MAP6: variants seen among roughly 807,000 people sequenced by gnomAD.
MAP6 encodes the protein microtubule-associated protein 6.
In MAP6, 26 loss-of-function variants were observed where a neutral mutation model predicts 42.4. The ratio of observed to expected loss-of-function variants is 0.61; its 90% CI spans 0.45 to 0.85. The LOEUF (loss-of-function observed/expected upper bound fraction) is 0.85. MAP6 is among the 40% of genes least tolerant of loss of function. The pLI is 0.00. For missense variants in MAP6, 966 were observed against 1,099.0 expected, an observed-to-expected ratio of 0.88 and a Z score of 1.71; for synonymous variants, 418 against 443.8, an observed-to-expected ratio of 0.94 and a Z score of 0.73.
rs150882090 is a variant in MAP6, at chr11:75,603,211, C to T, written c.1316+2597G>A. 1.4e-3 allele frequency: 1,396 copies of T among 985,430 alleles called. 21 individuals are homozygous for T. In the African/African-American group the frequency reaches 0.023, roughly 16 times the overall value. The allele number at this position is 985,430 out of a possible 1,614,324, so 61.0% of individuals were successfully genotyped here. ...GCTGCTTTTGCAGGCAGGGAAACAGCGGGAAAGCTTCAGTCCCAGCTCCCT... is the reference window on the plus strand; with the variant it reads ...GCTGCTTTTGCAGGCAGGGAAACAGTGGGAAAGCTTCAGTCCCAGCTCCCT... On this transcript the variant is annotated intron_variant, in intron 3 of 3. Transcript: ENST00000304771.
At chr11:75,634,800 A>C (rs1481656687) in intron 1 of MAP6, among the ~76,000 whole-genome samples, 1 of 152,074 alleles carries the variant, frequency 6.6e-6, no homozygotes, top group Non-Finnish European at 1.5e-5. Flanking sequence ...AGGAAAATTT[A>C]TTTTTCTATT....
intron 1 of MAP6, among the ~76,000 whole-genome samples, chr11:75,666,435 T>C (rs1359250856): frequency 1.3e-5 from 2 of 152,148 alleles, no homozygotes; most frequent in African/African-American, 4.8e-5. Flanking sequence ...TTGCAAGGAA[T>C]TGAGTGTGCT....
chr11:75,633,385 A>G (rs1425842004), intron 1 of MAP6, among the ~76,000 whole-genome samples: 1 of 152,236 alleles, frequency 6.6e-6, no homozygotes, highest in Non-Finnish European at 1.5e-5. Flanking sequence ...TCATGAGGAC[A>G]TGCTAGTGAG....
At chr11:75,648,732 G>A (rs1241089867) in intron 1 of MAP6, among the ~76,000 whole-genome samples, 2 of 152,130 alleles carry the variant, frequency 1.3e-5, no homozygotes, top group Non-Finnish European at 2.9e-5. Context: ...ATCAATGCAG[G>A]CAAGTAAGAA....
At chr11:75,664,029 G>A (rs1943901800) in intron 1 of MAP6, among the ~76,000 whole-genome samples, 1 of 152,170 alleles carries the variant, frequency 6.6e-6, no homozygotes, top group Non-Finnish European at 1.5e-5. Context: ...GATGGCCAGG[G>A]CAATGGGGTT....
At chr11:75,632,369 A>C (rs994480646) in intron 1 of MAP6, among the ~76,000 whole-genome samples, 12 of 152,140 alleles carry the variant, frequency 7.9e-5, no homozygotes, top group Admixed American at 3.9e-4. Context: ...CAGCCATCAG[A>C]GTTTATAATC....
chr11:75,636,281 C>T (rs1943367560), intron 1 of MAP6: 1 of 152,234 alleles, frequency 6.6e-6, no homozygotes, highest in Non-Finnish European at 1.5e-5. Context: ...GAGCTGGGCT[C>T]CTTCCCCTCA....
Position 75,644,993 on chromosome 11 carries a change from A to G in MAP6, c.905+22472T>C, listed in dbSNP as rs187122713. 1.4e-4 allele frequency among the ~76,000 whole-genome samples: 22 copies of G among 152,322 alleles called. No homozygotes were observed. The East Asian group carries it at 4.0e-3, about 28-fold the overall frequency. On this transcript the variant is annotated intron_variant, in intron 1 of 3. Coordinates refer to ENST00000304771, the MANE Select transcript of MAP6 (RefSeq NM_033063.2). The stretch of plus-strand genomic sequence containing the variant: ...ATACCTCTGGAACTGGTCGAATGAG[A>G]CACCTAAAAATTGTACGCCACAGAC...
At chr11:75,619,663 C>T (rs1565264498) in intron 1 of MAP6, among the ~76,000 whole-genome samples, 1 of 152,202 alleles carries the variant, frequency 6.6e-6, no homozygotes, top group South Asian at 2.1e-4. Flanking sequence ...CAGCTCCATC[C>T]ATGTCCCTGC....
chr11:75,651,405 G>A (rs999921415), intron 1 of MAP6, among the ~76,000 whole-genome samples: 1 of 152,134 alleles, frequency 6.6e-6, no homozygotes, highest in African/African-American at 2.4e-5. Context: ...CCAGGGCTTC[G>A]GTGAGGCGTC....
chr11:75,597,920 TA>T (rs1346114724), intron 3 of MAP6, among the ~76,000 whole-genome samples: 2 of 152,324 alleles, frequency 1.3e-5, no homozygotes, highest in Non-Finnish European at 2.9e-5. Context: ...CCAGGGGCAG[TA>T]ATTAACTGGG....
intron 3 of MAP6, among the ~76,000 whole-genome samples, chr11:75,591,477 G>A (rs1301218255): frequency 6.6e-6 from 1 of 152,170 alleles, no homozygotes; most frequent in Non-Finnish European, 1.5e-5. Context: ...TCTGTAAAGT[G>A]CCCCACCTCC....
At chr11:75,610,432 G>A (rs532988749) in intron 1 of MAP6, among the ~76,000 whole-genome samples, 1 of 152,228 alleles carries the variant, frequency 6.6e-6, no homozygotes, top group Non-Finnish European at 1.5e-5. Flanking sequence ...ACAGGATGCT[G>A]GGTGCTATGG....
At chr11:75,650,906 C>A (rs532319084) in intron 1 of MAP6, among the ~76,000 whole-genome samples, 3 of 152,278 alleles carry the variant, frequency 2.0e-5, no homozygotes, top group African/African-American at 4.8e-5. Context: ...CAGAACACTT[C>A]TCCCTTCCAT....
intron 3 of MAP6, among the ~76,000 whole-genome samples, chr11:75,595,397 C>A (rs970292824): frequency 1.3e-5 from 2 of 152,230 alleles, no homozygotes; most frequent in African/African-American, 2.4e-5. Context: ...ACAAGCCCCA[C>A]AACAGTTCAG....
chr11:75,647,322 C>T (rs528155170), intron 1 of MAP6, among the ~76,000 whole-genome samples: 3 of 53,738 alleles, frequency 5.6e-5, no homozygotes, highest in Non-Finnish European at 1.1e-4. Context: ...ATAAGAATAG[C>T]TACTAAAAAA....
chr11:75,608,019 C>A, intron 2 of MAP6, 90 bp downstream of exon 2: 4 of 1,301,940 alleles, frequency 3.1e-6, no homozygotes, highest in Non-Finnish European at 4.4e-6. Context: ...GAGGCTGGGC[C>A]AGATTTGACA....
intron 3 of MAP6, among the ~76,000 whole-genome samples, chr11:75,589,745 A>T (rs1290008771): frequency 2.6e-5 from 4 of 152,190 alleles, no homozygotes; most frequent in Non-Finnish European, 5.9e-5. Flanking sequence ...AGAAATCTAT[A>T]ATGATTAGAG....
At chr11:75,604,865 AG>A in intron 3 of MAP6, 1 of 985,504 alleles carries the variant, frequency 1.0e-6, no homozygotes, top group Non-Finnish European at 1.2e-6. Context: ...AGAGCGGTTC[AG>A]GAAGGGAGAG....
Sources: allele counts gnomAD v4.1 joint callset (sites outside exome capture counted in the v4.1 genomes callset), GRCh38; gene constraint gnomAD v4.1.1; transcripts MANE v1.5; gene names NCBI Gene and HGNC (gene_info 2026-07-23, HGNC 2026-07-21).